CUL4A: variants seen among roughly 807,000 people sequenced by gnomAD.
CUL4A encodes cullin-4A.
CUL4A carries 16 observed loss-of-function variants against 95.5 expected under a neutral mutation model. The observed-to-expected ratio is 0.17, with a 90% CI of 0.11 to 0.25. The LOEUF (loss-of-function observed/expected upper bound fraction) is 0.25, where lower values mean the gene tolerates loss of function less well. CUL4A is among the 10% of genes least tolerant of loss of function. The pLI is 1.00. For missense variants in CUL4A, 610 were observed against 937.0 expected (o/e 0.65, Z 4.56); for synonymous variants, 380 against 353.1 (o/e 1.08, Z -0.85).
chr13:113,257,811 ATCTT>A (rs781767256), intron 18 of CUL4A, among the ~76,000 whole-genome samples: 1 of 152,360 alleles, frequency 6.6e-6, no homozygotes, highest in Non-Finnish European at 1.5e-5. Flanking sequence ...TTACATTTAA[ATCTT>A]TCTTTTCATG....
intron 18 of CUL4A, among the ~76,000 whole-genome samples, chr13:113,260,376 C>A (rs555135111): frequency 8.3e-4 from 126 of 151,338 alleles, no homozygotes; most frequent in African/African-American, 2.9e-3. Flanking sequence ...CATAGTGAAA[C>A]CCTGCCTGTA....
intron 2 of CUL4A, among the ~76,000 whole-genome samples, chr13:113,216,880 ACCTACAG>A (rs1188222064): frequency 1.3e-5 from 2 of 152,192 alleles, no homozygotes; most frequent in African/African-American, 2.4e-5. Flanking sequence ...CTGACTCAGC[ACCTACAG>A]CAAACCTGGG....
intron 15 of CUL4A, among the ~76,000 whole-genome samples, chr13:113,252,323 C>T (rs2042015432): frequency 6.6e-6 from 1 of 152,040 alleles, no homozygotes; most frequent in Non-Finnish European, 1.5e-5. Context: ...AGCGCTTGGG[C>T]CCAGGATTTC....
intron 10 of CUL4A, among the ~76,000 whole-genome samples, chr13:113,242,204 G>T (rs1322569412): frequency 2.0e-5 from 3 of 151,890 alleles, no homozygotes; most frequent in Non-Finnish European, 4.4e-5. Flanking sequence ...GGCGGAGGTT[G>T]CAGTGAGCCG....
At chr13:113,238,203 A>G (rs1003834238) in intron 9 of CUL4A, among the ~76,000 whole-genome samples, 1 of 152,178 alleles carries the variant, frequency 6.6e-6, no homozygotes, top group African/African-American at 2.4e-5. Flanking sequence ...TGGGAGGCCA[A>G]AGTATCACTT....
intron 15 of CUL4A, among the ~76,000 whole-genome samples, chr13:113,251,266 C>G (rs750136815): frequency 1.3e-4 from 20 of 152,140 alleles, no homozygotes; most frequent in Non-Finnish European, 2.4e-4. Flanking sequence ...ATATGGGATC[C>G]AGCAGAAGAA....
chr13:113,226,007 A>C (rs1442616771), intron 3 of CUL4A, among the ~76,000 whole-genome samples: 2 of 152,176 alleles, frequency 1.3e-5, no homozygotes, highest in Non-Finnish European at 2.9e-5. Flanking sequence ...AGGCCCCTGT[A>C]GCTTTGGTCA....
intron 15 of CUL4A, among the ~76,000 whole-genome samples, chr13:113,248,581 G>C (rs138249388): frequency 6.6e-6 from 1 of 151,918 alleles, no homozygotes; most frequent in Non-Finnish European, 1.5e-5. Flanking sequence ...TTTTTAAAGC[G>C]TGTGGTTCAG....
upstream of CUL4A, chr13:113,208,635 G>T: frequency 1.2e-6 from 2 of 1,607,524 alleles, no homozygotes; most frequent in East Asian, 2.2e-5. Flanking sequence ...TGTGCGCCAT[G>T]GGAGCGCCGC....
At chr13:113,230,500 A>G (rs370355866) in intron 5 of CUL4A, among the ~76,000 whole-genome samples, 1 of 152,168 alleles carries the variant, frequency 6.6e-6, no homozygotes. Flanking sequence ...GTAGGCATCC[A>G]TGTGGTCTAC....
chr13:113,233,011 A>C, intron 5 of CUL4A, 166 bp from the exon 6 acceptor site: 1 of 693,998 alleles, frequency 1.4e-6, no homozygotes, highest in Non-Finnish European at 2.3e-6. Flanking sequence ...GGCGCGCTAG[A>C]CTGGCTGAGA....
intron 9 of CUL4A, among the ~76,000 whole-genome samples, chr13:113,238,746 ACCT>A (rs1234061172): frequency 6.6e-6 from 1 of 152,090 alleles, no homozygotes. Flanking sequence ...ACAGCTTTAA[ACCT>A]CCTCGTTTGT....
chr13:113,226,815 G>A (rs1313279578), intron 3 of CUL4A, among the ~76,000 whole-genome samples: 3 of 152,144 alleles, frequency 2.0e-5, no homozygotes, highest in Non-Finnish European at 2.9e-5. Flanking sequence ...AAGACCACGT[G>A]TTCAAGACCA....
At position 113,230,082 on chromosome 13, in the gene CUL4A, ATCCTGCCGCC is replaced by A. The variant is rs199757456; in HGVS notation, c.512+570_512+579del. On this transcript the variant is annotated intron_variant, in intron 5 of 19. Transcript: ENST00000375440. The stretch of plus-strand genomic sequence containing the variant: ...CTCTGTGGCCACCCCATGGCGCTGA[ATCCTGCCGCC>A]TCCTGCAAGCCGACTTTGGACAAAA... 1,131 of 184,336 alleles carry A rather than the reference ATCCTGCCGCC, an allele frequency of 6.1e-3. 18 individuals are homozygous for A. The highest frequency in any genetic ancestry group is 0.025 in the African/African-American group (1,051 of 42,888). 11.4% of individuals were successfully genotyped at this position (184,336 alleles called of 1,614,324 possible). A position where few individuals can be genotyped will look rare whatever the true frequency, so the allele number is the denominator to read the frequency against.
chr13:113,232,900 G>C (rs554281749), intron 5 of CUL4A, among the ~76,000 whole-genome samples: 26 of 152,292 alleles, frequency 1.7e-4, no homozygotes, highest in African/African-American at 6.0e-4. Context: ...CCGGGCTTCT[G>C]CCAGCAGCTT....
rs926302505 is a variant in CUL4A, at chr13:113,246,504, A to G, written c.1638+441A>G. Among the ~76,000 whole-genome samples the G allele has an allele frequency of 5.3e-5, 8 of 152,332 alleles. No individual in the cohort carries two copies. The South Asian group carries it at 1.7e-3, about 32-fold the overall frequency. On this transcript the variant is annotated intron_variant, in intron 15 of 19. Transcript: ENST00000375440. ...GAATTCTGTGCTCAATGAAGTTAACATCAGCAGGAGATACAATACATGCAC... is the reference window on the plus strand; with the variant it reads ...GAATTCTGTGCTCAATGAAGTTAACGTCAGCAGGAGATACAATACATGCAC...
chr13:113,238,011 C>A (rs2041600203), intron 9 of CUL4A, among the ~76,000 whole-genome samples: 1 of 152,210 alleles, frequency 6.6e-6, no homozygotes, highest in Non-Finnish European at 1.5e-5. Flanking sequence ...TGCTTGTGAG[C>A]TGAGAGTCAC....
intron 5 of CUL4A, among the ~76,000 whole-genome samples, chr13:113,232,949 T>C (rs907909538): frequency 2.6e-5 from 4 of 152,270 alleles, no homozygotes; most frequent in Admixed American, 6.5e-5. Flanking sequence ...ATGCATGACC[T>C]AGCAGCGTCT....
chr13:113,241,192 A>AT (rs2041699812), intron 10 of CUL4A, among the ~76,000 whole-genome samples: 1 of 152,194 alleles, frequency 6.6e-6, no homozygotes. Context: ...TTTGCCAGTG[A>AT]GACAGTCTTC....
Sources: gnomAD v4.1 joint callset for allele counts (sites outside exome capture counted in the v4.1 genomes callset) on GRCh38, gnomAD v4.1.1 for gene constraint, MANE v1.5 for transcripts, NCBI Gene and HGNC (gene_info 2026-07-23, HGNC 2026-07-21) for gene names.